Variants in BTBD7 observed in about 807,000 individuals in gnomAD.
The protein encoded by BTBD7 is BTB/POZ domain-containing protein 7.
BTBD7 carries 38 observed loss-of-function variants against 99.9 expected under a neutral mutation model. The ratio of observed to expected loss-of-function variants is 0.38; its 90% CI spans 0.29 to 0.50. The LOEUF (loss-of-function observed/expected upper bound fraction) is 0.50, where lower values mean the gene tolerates loss of function less well. Ranked by LOEUF, BTBD7 falls within the 20% of genes least tolerant of loss-of-function variation. The pLI is 0.93. For synonymous variants in BTBD7, 520 were observed against 511.4 expected (o/e 1.02, Z -0.23); for missense variants, 1,170 against 1,394.6 (o/e 0.84, Z 2.57).
At chr14:93,279,170 TTA>T (rs1487427778) in intron 3 of BTBD7, among the ~76,000 whole-genome samples, 1 of 152,174 alleles carries the variant, frequency 6.6e-6, no homozygotes. Context: ...GCCACAAGAT[TTA>T]TGATAGTGAG....
At chr14:93,270,800 G>A (rs577959708) in intron 3 of BTBD7, among the ~76,000 whole-genome samples, 1 of 152,132 alleles carries the variant, frequency 6.6e-6, no homozygotes, top group Non-Finnish European at 1.5e-5. Flanking sequence ...ATTCCGCTCA[G>A]GCAGACTTTC....
chr14:93,290,756 T>G (rs907108049), intron 3 of BTBD7, among the ~76,000 whole-genome samples: 5 of 151,994 alleles, frequency 3.3e-5, no homozygotes, highest in African/African-American at 1.2e-4. Context: ...AGTGGTGCGA[T>G]CTCAGCTCAC....
chr14:93,281,677 A>G (rs1352474795), intron 3 of BTBD7, among the ~76,000 whole-genome samples: 5 of 152,262 alleles, frequency 3.3e-5, no homozygotes, highest in Non-Finnish European at 7.3e-5. Flanking sequence ...ATAACAGAAT[A>G]AGATAGCACG....
rs973283397 is a variant in BTBD7, at chr14:93,294,641, T to C, written c.379A>G (p.Thr127Ala). ...AGATCAGCCATATCTTTCTGCAATGTCCGGGCTTCTGGTCTAGCCAAACTG... is the reference window on the plus strand; with the variant it reads ...AGATCAGCCATATCTTTCTGCAATGCCCGGGCTTCTGGTCTAGCCAAACTG... The part of the protein sequence containing the change: ...QASLARPEAR[T>A]LQKDMADLYE... The change falls in exon 3 of 11, where the codon ACA becomes GCA. Residue 127 changes from threonine to alanine, a missense_variant. Around this residue, in one of 4 missense-constraint regions of BTBD7, gnomAD observed 359 missense variants for 497.9 expected, o/e 0.72. Coordinates refer to ENST00000334746, the MANE Select transcript of BTBD7 (RefSeq NM_001002860.4). The C allele has an allele frequency of 1.9e-6, 3 of 1,614,012 alleles. No individual in the cohort carries two copies. The African/African-American group carries it at 4.0e-5, about 22-fold the overall frequency.
At chr14:93,252,404 G>A (rs2052379075) in intron 7 of BTBD7, among the ~76,000 whole-genome samples, 1 of 151,958 alleles carries the variant, frequency 6.6e-6, no homozygotes, top group African/African-American at 2.4e-5. Flanking sequence ...TGCCTGGGCT[G>A]GAGTGCAGTG....
intron 3 of BTBD7, among the ~76,000 whole-genome samples, chr14:93,272,291 A>C (rs1165903950): frequency 6.6e-6 from 1 of 152,136 alleles, no homozygotes; most frequent in East Asian, 1.9e-4. Context: ...AAAACACAAA[A>C]ACAAACCTAC....
At chr14:93,319,155 G>C (rs1406903607) in intron 1 of BTBD7, among the ~76,000 whole-genome samples, 1 of 152,208 alleles carries the variant, frequency 6.6e-6, no homozygotes, top group Non-Finnish European at 1.5e-5. Flanking sequence ...ACAGTGAGCA[G>C]TGAGCCATGA....
chr14:93,268,894 G>C (rs761869120), intron 3 of BTBD7, among the ~76,000 whole-genome samples: 17 of 151,950 alleles, frequency 1.1e-4, no homozygotes, highest in Non-Finnish European at 2.2e-4. Context: ...GAGTAGCTGG[G>C]ATTACAGGCA....
chr14:93,273,160 C>T (rs1472780433), intron 3 of BTBD7, among the ~76,000 whole-genome samples: 1 of 152,114 alleles, frequency 6.6e-6, no homozygotes, highest in Non-Finnish European at 1.5e-5. Flanking sequence ...TGGTGATAAC[C>T]CCTGCACATA....
chr14:93,285,510 A>C (rs763770341), intron 3 of BTBD7, among the ~76,000 whole-genome samples: 6 of 152,206 alleles, frequency 3.9e-5, no homozygotes, highest in Non-Finnish European at 5.9e-5. Context: ...GTCTACAGTA[A>C]ATATGCATGT....
At chr14:93,328,041 T>G (rs530624019) in intron 1 of BTBD7, among the ~76,000 whole-genome samples, 11 of 152,020 alleles carry the variant, frequency 7.2e-5, no homozygotes, top group Non-Finnish European at 1.3e-4. Flanking sequence ...TCAAAAAGAA[T>G]AAAATACTTA....
rs577305331 is a variant in BTBD7 at position 93,244,774 on chromosome 14, T to G, written c.2583+1051A>C. 3.2e-4 allele frequency among the ~76,000 whole-genome samples: 48 copies of G among 152,076 alleles called. 1 individual carries two copies. The highest frequency in any genetic ancestry group is 1.2e-3 in the African/African-American group (48 of 41,494). On this transcript the variant is annotated intron_variant, in intron 10 of 10. Coordinates refer to ENST00000334746, the MANE Select transcript of BTBD7 (RefSeq NM_001002860.4). ...AAGCCATATTTTAATGAAGCTTCCC[T>G]GAACTGACAGGTGAATCTTTTCTTC...
intron 6 of BTBD7, among the ~76,000 whole-genome samples, chr14:93,254,726 TAG>T (rs2052410567): frequency 6.6e-6 from 1 of 152,318 alleles, no homozygotes; most frequent in African/African-American, 2.4e-5. Flanking sequence ...CAAGTATCTT[TAG>T]TTCCTAAGGT....
chr14:93,263,383 A>G (rs2052509753), intron 4 of BTBD7, among the ~76,000 whole-genome samples: 1 of 152,244 alleles, frequency 6.6e-6, no homozygotes, highest in Non-Finnish European at 1.5e-5. Context: ...TCAGAAATTG[A>G]ATATTATTTT....
At chr14:93,309,380 G>A (rs572779061) in intron 1 of BTBD7, among the ~76,000 whole-genome samples, 98 of 146,674 alleles carry the variant, frequency 6.7e-4, no homozygotes, top group African/African-American at 2.4e-3. Flanking sequence ...TGGCCTAGGC[G>A]ACAAGGGCAA....
intron 1 of BTBD7, among the ~76,000 whole-genome samples, chr14:93,303,338 A>T (rs1282135548): frequency 6.6e-6 from 1 of 152,076 alleles, no homozygotes; most frequent in Non-Finnish European, 1.5e-5. Flanking sequence ...GCATGGTGAC[A>T]CATGCCTGTA....
chr14:93,294,206 C>T lies in BTBD7; in HGVS notation c.814G>A (p.Glu272Lys). Residue 272 changes from glutamate (E) to lysine (K), a missense_variant, in exon 3 of 11, where the codon GAA becomes AAA. Coordinates refer to ENST00000334746, the MANE Select transcript of BTBD7 (RefSeq NM_001002860.4). The stretch of plus-strand genomic sequence containing the variant: ...ACAGCCTTGTGGGCTTTGAGCTCTT[C>T]ATCTAAACAGTTCTGATTTCCACCA... ...AFGGNQNCLD[E>K]ELKAHKAVIS... 6.2e-7 allele frequency: 1 copy of T among 1,614,030 alleles called. No homozygotes were observed. Among genetic ancestry groups the T allele is most frequent in the South Asian group, 1.1e-5 (1 of 91,062 alleles).
chr14:93,284,192 A>C (rs2052752561), intron 3 of BTBD7, among the ~76,000 whole-genome samples: 1 of 152,186 alleles, frequency 6.6e-6, no homozygotes, highest in African/African-American at 2.4e-5. Flanking sequence ...ACAGCATTAA[A>C]CTGGCTTTTG....
At chr14:93,282,049 G>T (rs2052726603) in intron 3 of BTBD7, among the ~76,000 whole-genome samples, 1 of 152,138 alleles carries the variant, frequency 6.6e-6, no homozygotes, top group South Asian at 2.1e-4. Flanking sequence ...TTGATCTGTT[G>T]AAATAGCCTT....
Sources: gnomAD v4.1 joint callset for allele counts (sites outside exome capture counted in the v4.1 genomes callset) on GRCh38, gnomAD v4.1.1 for gene constraint, gnomAD v4.1.1 regional missense constraint, MANE v1.5 for transcripts, NCBI Gene and HGNC (gene_info 2026-07-23, HGNC 2026-07-21) for gene names.